Variants in C12orf42 observed in about 807,000 individuals in gnomAD.
C12orf42 encodes the protein uncharacterized protein C12orf42.
C12orf42 carries 25 observed loss-of-function variants against 21.6 expected under a neutral mutation model. The ratio of observed to expected loss-of-function variants is 1.16; its 90% CI spans 0.84 to 1.62. The LOEUF is 1.62. Ranked by LOEUF, C12orf42 falls within the 40% of genes most tolerant of loss-of-function variation. The pLI is 0.00. For missense variants in C12orf42, 483 were observed against 459.3 expected (o/e 1.05, Z -0.47); for synonymous variants, 174 against 175.0 (o/e 0.99, Z 0.05).
At chr12:103,442,390 A>G (rs1592833837) in intron 2 of C12orf42, among the ~76,000 whole-genome samples, 3 of 152,296 alleles carry the variant, frequency 2.0e-5, no homozygotes, top group Admixed American at 2.0e-4. Context: ...TGGACAGCAC[A>G]GATGTGCAAG....
intron 2 of C12orf42, among the ~76,000 whole-genome samples, chr12:103,409,126 A>G (rs930108710): frequency 3.3e-5 from 5 of 152,206 alleles, no homozygotes; most frequent in Non-Finnish European, 5.9e-5. Context: ...CAAATCCTTA[A>G]CTAACATATG....
the C12orf42 span, among the ~76,000 whole-genome samples, chr12:103,555,643 C>T: frequency 1.3e-5 from 2 of 152,084 alleles, no homozygotes; most frequent in Non-Finnish European, 2.9e-5. Context: ...TGGTTAGAAA[C>T]ATCAAAGCTC....
At chr12:103,259,744 A>T (rs139324655) in intron 10 of C12orf42, among the ~76,000 whole-genome samples, 1 of 152,274 alleles carries the variant, frequency 6.6e-6, no homozygotes, top group Non-Finnish European at 1.5e-5. Flanking sequence ...AAATTCACAC[A>T]TACCCCTCTA....
In C12orf42 at chr12:103,409,578, A is replaced by G. The variant is rs190804581; in HGVS notation, c.79-7903T>C. On this transcript the variant is annotated intron_variant, in intron 2 of 5. Coordinates refer to ENST00000548883, the MANE Select transcript of C12orf42 (RefSeq NM_198521.5). ...AACATCACTTTGATACCCATAAAAA[A>G]AACTTGAAAATCTATTTAACATTCA... Among the ~76,000 whole-genome samples, 304 of 152,306 alleles carry G rather than the reference A, an allele frequency of 2.0e-3. 2 individuals are homozygous for G. The highest frequency in any genetic ancestry group is 6.9e-3 in the African/African-American group (286 of 41,562).
chr12:103,085,941 A>C, the C12orf42 span, among the ~76,000 whole-genome samples: 1 of 152,212 alleles, frequency 6.6e-6, no homozygotes, highest in Non-Finnish European at 1.5e-5. Context: ...CAATTTCGCC[A>C]AGCTCCATAC....
the C12orf42 span, among the ~76,000 whole-genome samples, chr12:103,536,470 G>GA: frequency 3.9e-5 from 6 of 152,142 alleles, no homozygotes; most frequent in African/African-American, 1.4e-4. Context: ...AGTAGCCAGG[G>GA]AAAATATACA....
chr12:103,231,259 C>T, the C12orf42 span, among the ~76,000 whole-genome samples: 1 of 152,212 alleles, frequency 6.6e-6, no homozygotes, highest in Admixed American at 6.5e-5. Context: ...TCAGTATCCC[C>T]CACCAGAGTG....
the C12orf42 span, chr12:103,503,680 G>A: frequency 6.5e-6 from 1 of 153,404 alleles, no homozygotes; most frequent in Admixed American, 6.5e-5. Context: ...GGTGCTGCAG[G>A]AGCAGACGAG....
At position 103,355,354 on chromosome 12, in the gene C12orf42, T is replaced by G. The variant is rs116760578; in HGVS notation, c.259+13533A>C. Among the ~76,000 whole-genome samples, 1,489 of 152,258 alleles carry G rather than the reference T, an allele frequency of 9.8e-3. 20 individuals carry two copies. Among genetic ancestry groups the G allele is most frequent in the African/African-American group, 0.034 (1,427 of 41,568 alleles). On this transcript the variant is annotated intron_variant, in intron 4 of 5. Transcript: ENST00000548883. ...ATACATGCATACACTCTTGTCTGCATATACTTCTGTATTGGTGTATGTATC... is the reference window on the plus strand; with the variant it reads ...ATACATGCATACACTCTTGTCTGCAGATACTTCTGTATTGGTGTATGTATC...
intron 4 of C12orf42, among the ~76,000 whole-genome samples, chr12:103,313,635 C>T (rs941389498): frequency 3.3e-5 from 5 of 152,140 alleles, no homozygotes; most frequent in Non-Finnish European, 5.9e-5. Context: ...AATTAAACAA[C>T]AGGAGTTTAG....
At chr12:103,082,420 T>C in the C12orf42 span, among the ~76,000 whole-genome samples, 116 of 152,364 alleles carry the variant, frequency 7.6e-4, 1 homozygote, top group East Asian at 0.018. Context: ...TTTCCCCCAT[T>C]TCCTTACTTT....
chr12:103,175,315 GA>G, the C12orf42 span, among the ~76,000 whole-genome samples: 29 of 152,050 alleles, frequency 1.9e-4, no homozygotes, highest in African/African-American at 7.0e-4. Context: ...AAGTCACTCT[GA>G]TCCCAAGTTA....
At chr12:103,204,441 T>C in the C12orf42 span, among the ~76,000 whole-genome samples, 1 of 152,216 alleles carries the variant, frequency 6.6e-6, no homozygotes, top group Non-Finnish European at 1.5e-5. Flanking sequence ...ATTGCAACTT[T>C]GAAAAATCAG....
the C12orf42 span, among the ~76,000 whole-genome samples, chr12:103,051,876 T>A: frequency 0.012 from 1,775 of 152,302 alleles, 40 homozygotes; most frequent in African/African-American, 0.04. Flanking sequence ...TCCTGTTTCT[T>A]TGTCTTCCTC....
chr12:103,494,518 G>A (rs1483351899), intron 1 of C12orf42, among the ~76,000 whole-genome samples: 2 of 151,730 alleles, frequency 1.3e-5, no homozygotes, highest in African/African-American at 4.8e-5. Flanking sequence ...AAAAGGAGGA[G>A]GATGGGTGGG....
chr12:103,202,829 C>T, the C12orf42 span, among the ~76,000 whole-genome samples: 1 of 152,238 alleles, frequency 6.6e-6, no homozygotes, highest in African/African-American at 2.4e-5. Flanking sequence ...GGGGGCCAAA[C>T]AATTCAGCTG....
At chr12:103,261,800 A>G (rs1448921557) in intron 10 of C12orf42, among the ~76,000 whole-genome samples, 1 of 152,214 alleles carries the variant, frequency 6.6e-6, no homozygotes, top group East Asian at 1.9e-4. Context: ...ATGACAAAGA[A>G]TAAAATAATA....
At chr12:103,242,312 G>T (rs751096543) in intron 10 of C12orf42, among the ~76,000 whole-genome samples, 3 of 152,098 alleles carry the variant, frequency 2.0e-5, no homozygotes, top group Non-Finnish European at 4.4e-5. Context: ...TTTTCTTTCA[G>T]TTGTGCTATG....
At chr12:103,526,454 A>G in the C12orf42 span, among the ~76,000 whole-genome samples, 1 of 152,216 alleles carries the variant, frequency 6.6e-6, no homozygotes. Context: ...GTTTGGGGTA[A>G]GTTTCAGCAT....
Sources: gnomAD v4.1 joint callset for allele counts (sites outside exome capture counted in the v4.1 genomes callset) on GRCh38, gnomAD v4.1.1 for gene constraint, MANE v1.5 for transcripts, NCBI Gene and HGNC (gene_info 2026-07-23, HGNC 2026-07-21) for gene names.